Variants in PCSK1 observed in about 807,000 individuals in gnomAD.
PCSK1 encodes neuroendocrine convertase 1.
A neutral mutation model predicts 90.6 loss-of-function variants in PCSK1; 56 were observed. That is an observed-to-expected ratio of 0.62 (90% CI 0.50 to 0.77). PCSK1 has a LOEUF of 0.77. Ranked by LOEUF, PCSK1 falls within the 30% of genes least tolerant of loss-of-function variation. The probability of loss-of-function intolerance (pLI) is 0.00; values close to 1 mark genes in which losing one functional copy is unlikely to be tolerated. For synonymous variants in PCSK1, 348 were observed against 342.4 expected (o/e 1.02, Z -0.18); for missense variants, 801 against 932.6 (o/e 0.86, Z 1.84).
Position 96,427,381 on chromosome 5 carries a change from T to C in PCSK1, c.286-1451A>G, listed in dbSNP as rs144847049. On this transcript the variant is annotated intron_variant, in intron 2 of 13. Coordinates refer to ENST00000311106, the MANE Select transcript of PCSK1 (RefSeq NM_000439.5). Reference sequence around the variant, plus strand: ...GAAAATTGGTAGTGTCTTTCTATTATGCATTATAGGTATCATGTACTTAAT... The same window carrying C: ...GAAAATTGGTAGTGTCTTTCTATTACGCATTATAGGTATCATGTACTTAAT... 4.0e-3 allele frequency among the ~76,000 whole-genome samples: 608 copies of C among 152,318 alleles called. 3 individuals carry two copies. Among genetic ancestry groups the C allele is most frequent in the African/African-American group, 0.014 (587 of 41,574 alleles).
At chr5:96,415,965 C>G in intron 6 of PCSK1, 68 bp downstream of exon 6, 6 of 962,190 alleles carry the variant, frequency 6.2e-6, no homozygotes, top group Non-Finnish European at 1.0e-5. Flanking sequence ...CTCCCCTCCC[C>G]CATTTACAAT....
At chr5:96,397,943 CATA>C (rs1561363368) in intron 11 of PCSK1, among the ~76,000 whole-genome samples, 1 of 149,558 alleles carries the variant, frequency 6.7e-6, no homozygotes, top group Non-Finnish European at 1.5e-5. Context: ...CATTAATAAT[CATA>C]ATTATTTAAT....
Position 96,410,168 on chromosome 5 carries a change from C to T in PCSK1, c.1095+606G>A, listed in dbSNP as rs143744121. Among the ~76,000 whole-genome samples, 599 of 152,232 alleles carry T rather than the reference C, an allele frequency of 3.9e-3. 4 individuals carry two copies. The highest frequency in any genetic ancestry group is 0.014 in the African/African-American group (578 of 41,540). The stretch of plus-strand genomic sequence containing the variant: ...CCCTTGAAGGGAAATCCAGTAATTG[C>T]CCTTGGCCGTCTGACTCATGGAAGC... On this transcript the variant is annotated intron_variant, in intron 8 of 13. Transcript: ENST00000311106.
chr5:96,393,328 G>A lies in PCSK1; in HGVS notation c.1935C>T (p.Ser645=). Residue 645 remains serine, a synonymous_variant, in exon 14 of 14, where the codon AGC becomes AGT. Coordinates refer to ENST00000311106, the MANE Select transcript of PCSK1 (RefSeq NM_000439.5). Reference sequence around the variant, plus strand: ...GGCCCCCTACGCTGCTGCTGCTGGGGCTTTTGGACACCAGGGTGTTCTCCT... The same window carrying A: ...GGCCCCCTACGCTGCTGCTGCTGGGACTTTTGGACACCAGGGTGTTCTCCT... ...NPKENTLVSK[S]PSSSSVGGRR... 6.2e-7 allele frequency: 1 copy of A among 1,614,138 alleles called. No homozygotes were observed. The highest frequency in any genetic ancestry group is 8.5e-7 in the Non-Finnish European group (1 of 1,179,996).
intron 9 of PCSK1, among the ~76,000 whole-genome samples, chr5:96,401,195 G>C (rs534976300): frequency 2.2e-4 from 33 of 152,210 alleles, no homozygotes; most frequent in African/African-American, 7.7e-4. Context: ...ACGCATTGTG[G>C]GAGTTTAGAG....
In PCSK1 at chr5:96,393,179, A is replaced by C; in HGVS notation, c.2084T>G (p.Ile695Ser). 2.5e-6 allele frequency: 4 copies of C among 1,614,042 alleles called. No individual in the cohort carries two copies. Among genetic ancestry groups the C allele is most frequent in the Non-Finnish European group, 3.4e-6 (4 of 1,179,988 alleles). ...GGCTTCGTAGAAGTTTTCATAAGGG[A>C]TGTTGAGCTTTGCACTTGGGGACTT... ...PKKSPSAKLN[I>S]PYENFYEALE... Residue 695 changes from isoleucine to serine, a missense_variant, in exon 14 of 14, where the codon ATC (isoleucine) becomes AGC (serine). Physicochemically the swap from Ile to Ser is moderately radical, Grantham distance 142. Transcript: ENST00000311106.
At chr5:96,395,367 AAGTC>A (rs1249758892) in intron 12 of PCSK1, among the ~76,000 whole-genome samples, 1 of 152,210 alleles carries the variant, frequency 6.6e-6, no homozygotes, top group Non-Finnish European at 1.5e-5. Flanking sequence ...ACTGGGAAAA[AAGTC>A]AGCCTCTATG....
chr5:96,430,777 G>A (rs1761466575), intron 1 of PCSK1, among the ~76,000 whole-genome samples: 1 of 152,076 alleles, frequency 6.6e-6, no homozygotes, highest in Non-Finnish European at 1.5e-5. Flanking sequence ...ATGGTTAGAG[G>A]AAAGATAGTA....
intron 7 of PCSK1, among the ~76,000 whole-genome samples, 193 bp downstream of exon 7, chr5:96,412,125 G>A (rs1325990665): frequency 6.6e-6 from 1 of 152,194 alleles, no homozygotes; most frequent in African/African-American, 2.4e-5. Context: ...CCACAAATAG[G>A]GAAAACTTTC....
chr5:96,397,591 A>G (rs967609971), intron 11 of PCSK1, 122 bp from the exon 12 acceptor site: 3 of 887,134 alleles, frequency 3.4e-6, no homozygotes, highest in Admixed American at 1.9e-5. Flanking sequence ...CTCTTTTAGT[A>G]TAAGACCAGG....
chr5:96,415,195 A>G (rs1170907622), intron 6 of PCSK1, among the ~76,000 whole-genome samples: 1 of 152,206 alleles, frequency 6.6e-6, no homozygotes, highest in African/African-American at 2.4e-5. Context: ...CATGGACTGC[A>G]TCAATGGGCT....
chr5:96,406,048 G>A (rs555273839), intron 9 of PCSK1, among the ~76,000 whole-genome samples: 5 of 152,116 alleles, frequency 3.3e-5, no homozygotes, highest in Non-Finnish European at 7.3e-5. Flanking sequence ...TTTTCTTCCA[G>A]TCCAGACCCC....
At chr5:96,427,328 C>T (rs1392699477) in intron 2 of PCSK1, among the ~76,000 whole-genome samples, 1 of 152,152 alleles carries the variant, frequency 6.6e-6, no homozygotes. Flanking sequence ...GTATTAATCT[C>T]TAGAAGAGCA....
chr5:96,409,217 T>C (rs1190992428), intron 8 of PCSK1, among the ~76,000 whole-genome samples: 1 of 152,198 alleles, frequency 6.6e-6, no homozygotes, highest in African/African-American at 2.4e-5. Context: ...AAGGGATTAC[T>C]AACAAGACAC....
intron 4 of PCSK1, 37 bp from the exon 5 acceptor site, chr5:96,421,993 TAAAAAAAAAAAAA>T (rs11317408): frequency 1.2e-4 from 44 of 358,334 alleles, no homozygotes; most frequent in East Asian, 1.7e-4. Flanking sequence ...GTGGCAGCAT[TAAAAAAAAAAAAA>T]AAAAAAAAAA....
chr5:96,399,867 T>A, intron 10 of PCSK1, 86 bp downstream of exon 10: 1 of 1,036,388 alleles, frequency 9.6e-7, no homozygotes, highest in Non-Finnish European at 1.5e-6. Context: ...GAAGGGTAGA[T>A]ACAAAAAAAT....
At chr5:96,432,600 A>C (rs1761541404) in intron 1 of PCSK1, among the ~76,000 whole-genome samples, 1 of 152,162 alleles carries the variant, frequency 6.6e-6, no homozygotes, top group South Asian at 2.1e-4. Context: ...ACGGATTTCA[A>C]TTCTAGAGCG....
In PCSK1 at chr5:96,392,406, A is replaced by G. The variant is rs1022612325; in HGVS notation, c.*595T>C. On this transcript the variant is annotated 3_prime_UTR_variant, in exon 14 of 14. Coordinates refer to ENST00000311106, the MANE Select transcript of PCSK1 (RefSeq NM_000439.5). ...CAAACCAGAGCATTCAGATTTCAAG[A>G]TCTGTTTCTAGATCTAAATAATCCA... 6 of 153,388 alleles carry G rather than the reference A, an allele frequency of 3.9e-5. No individual in the cohort carries two copies. Among genetic ancestry groups the G allele is most frequent in the African/African-American group, 1.4e-4 (6 of 41,446 alleles). 9.5% of individuals were successfully genotyped at this position (153,388 alleles called of 1,614,324 possible). A position where few individuals can be genotyped will look rare whatever the true frequency, so the allele number is the denominator to read the frequency against.
Position 96,433,006 on chromosome 5 carries a change from A to C in PCSK1, c.37T>G (p.Phe13Val). Reference sequence around the variant, plus strand: ...GCACACCAAGCGCAAAAGAGGACGAAAGCAGTGCACTGCAGACTCCAGGCT... The same window carrying C: ...GCACACCAAGCGCAAAAGAGGACGACAGCAGTGCACTGCAGACTCCAGGCT... ...RRAWSLQCTAFVLFCAWCALN... is the reference protein window; with the variant it reads ...RRAWSLQCTAVVLFCAWCALN... The change falls in exon 1 of 14, where the codon TTC becomes GTC. Residue 13 changes from phenylalanine (F) to valine (V), a missense_variant. Coordinates refer to ENST00000311106, the MANE Select transcript of PCSK1 (RefSeq NM_000439.5). The C allele has an allele frequency of 6.2e-7, 1 of 1,614,224 alleles. No individual in the cohort carries two copies. The highest frequency in any genetic ancestry group is 1.1e-5 in the South Asian group (1 of 91,092).
Sources: gnomAD v4.1 joint callset for allele counts (sites outside exome capture counted in the v4.1 genomes callset) on GRCh38, gnomAD v4.1.1 for gene constraint, MANE v1.5 for transcripts, NCBI Gene and HGNC (gene_info 2026-07-23, HGNC 2026-07-21) for gene names.